Variants in PLD5 observed in about 807,000 individuals in gnomAD.
The protein encoded by PLD5 is inactive phospholipase D5.
PLD5 carries 36 observed loss-of-function variants against 61.1 expected under a neutral mutation model. The ratio of observed to expected loss-of-function variants is 0.59; its 90% CI spans 0.45 to 0.78. PLD5 has a LOEUF of 0.78. Among genes scored for constraint, PLD5 ranks in the 30% least tolerant of loss-of-function variants. The pLI is 0.00. For synonymous variants in PLD5, 243 were observed against 242.8 expected, an observed-to-expected ratio of 1.00 and a Z score of -0.01; for missense variants, 515 against 644.4, an observed-to-expected ratio of 0.80 and a Z score of 2.17.
At chr1:242,357,253 A>G (rs1277561746) in intron 1 of PLD5, among the ~76,000 whole-genome samples, 2 of 151,584 alleles carry the variant, frequency 1.3e-5, no homozygotes, top group South Asian at 4.2e-4. Context: ...TGAAAATACT[A>G]TCCCACTGGC....
At chr1:242,490,866 GT>G (rs34887885) in intron 1 of PLD5, among the ~76,000 whole-genome samples, 48,277 of 151,960 alleles carry the variant, frequency 0.32, 8,107 homozygotes, top group Admixed American at 0.43. Flanking sequence ...AGCGCCTTAG[GT>G]TTTGCATTCC....
intron 1 of PLD5, among the ~76,000 whole-genome samples, chr1:242,430,899 T>C (rs182244102): frequency 3.0e-4 from 45 of 152,286 alleles, no homozygotes; most frequent in African/African-American, 1.0e-3. Context: ...ACGCCTGTCC[T>C]GCAGCGCCTC....
rs148149044 is a variant in PLD5, at chr1:242,475,703, A to C, written c.189+48385T>G. Among the ~76,000 whole-genome samples the C allele has an allele frequency of 6.4e-3, 975 of 152,230 alleles. 5 individuals are homozygous for C. Among genetic ancestry groups the C allele is most frequent in the African/African-American group, 0.011 (439 of 41,542 alleles). ...GACATCCCAACCCCAGTATCTCAGA[A>C]TGCCACTGTGTTTATAGGTGAGGTC... On this transcript the variant is annotated intron_variant, in intron 1 of 9. Coordinates refer to ENST00000536534, the MANE Select transcript of PLD5 (RefSeq NM_001372062.1).
rs186028125 is a variant in PLD5, at chr1:242,106,264, G to C, written c.1239+1407C>G. 2.8e-3 allele frequency among the ~76,000 whole-genome samples: 419 copies of C among 152,278 alleles called. 5 individuals are homozygous for C. The highest frequency in any genetic ancestry group is 0.02 in the Middle Eastern group (6 of 294). ...GGGGAATTGTTACGGTTTTATTTTA[G>C]TTTTTACATTGACAAACTATGATGT... On this transcript the variant is annotated intron_variant, in intron 8 of 9. Coordinates refer to ENST00000536534, the MANE Select transcript of PLD5 (RefSeq NM_001372062.1).
At chr1:242,129,607 A>G (rs1220537097) in intron 5 of PLD5, among the ~76,000 whole-genome samples, 1 of 152,246 alleles carries the variant, frequency 6.6e-6, no homozygotes, top group Non-Finnish European at 1.5e-5. Flanking sequence ...TTAAAGGGAA[A>G]AGAAGCTGAA....
intron 1 of PLD5, among the ~76,000 whole-genome samples, chr1:242,418,744 T>A (rs565117084): frequency 6.6e-6 from 1 of 152,190 alleles, no homozygotes; most frequent in Non-Finnish European, 1.5e-5. Flanking sequence ...AGCATGATAC[T>A]CTTAAATGTC....
chr1:242,163,293 GC>G (rs987408556), intron 5 of PLD5, among the ~76,000 whole-genome samples: 16 of 151,784 alleles, frequency 1.1e-4, no homozygotes, highest in South Asian at 2.1e-4. Flanking sequence ...ACAGGCGCCC[GC>G]CACCACGCCC....
At chr1:242,165,452 G>GAAA (rs34435412) in intron 5 of PLD5, among the ~76,000 whole-genome samples, 1 of 115,630 alleles carries the variant, frequency 8.6e-6, no homozygotes, top group African/African-American at 3.1e-5. Flanking sequence ...GCTTTAAAGG[G>GAAA]AAAAAAAAAA....
intron 1 of PLD5, among the ~76,000 whole-genome samples, chr1:242,406,781 T>C (rs1049548643): frequency 1.3e-5 from 2 of 152,204 alleles, no homozygotes; most frequent in Non-Finnish European, 2.9e-5. Context: ...ACCATGAATA[T>C]TGAACTAGGA....
At chr1:242,367,925 T>G (rs1661432168) in intron 1 of PLD5, among the ~76,000 whole-genome samples, 1 of 152,142 alleles carries the variant, frequency 6.6e-6, no homozygotes, top group Non-Finnish European at 1.5e-5. Context: ...GAATATCAAA[T>G]GGATACAACT....
At chr1:242,146,365 G>A (rs1219231917) in intron 5 of PLD5, among the ~76,000 whole-genome samples, 2 of 152,040 alleles carry the variant, frequency 1.3e-5, no homozygotes, top group Non-Finnish European at 2.9e-5. Flanking sequence ...AGTAGCCTAT[G>A]CCTGAACATT....
At chr1:242,348,354 T>A (rs1301574275) in intron 1 of PLD5, 112 bp from the exon 2 acceptor site, 18 of 1,176,946 alleles carry the variant, frequency 1.5e-5, no homozygotes, top group Non-Finnish European at 2.0e-5. Context: ...GATACGATTA[T>A]CACTGCCTAG....
At chr1:242,138,355 G>C (rs1978790) in intron 5 of PLD5, among the ~76,000 whole-genome samples, 39 of 151,866 alleles carry the variant, frequency 2.6e-4, no homozygotes, top group Non-Finnish European at 7.4e-5. Context: ...ATAAAACAAA[G>C]CAGAATCTGA....
chr1:242,423,893 G>A lies in PLD5; in HGVS notation c.190-75651C>T, dbSNP rs187763233. On this transcript the variant is annotated intron_variant, in intron 1 of 9. Coordinates refer to ENST00000536534, the MANE Select transcript of PLD5 (RefSeq NM_001372062.1). ...GGCACTCTAACACACAGGGGCAATG[G>A]TTTATTTTCATACTGCCATCATTGT... is the stretch of plus-strand genomic sequence containing the variant. Among the ~76,000 whole-genome samples the A allele has an allele frequency of 9.0e-4, 137 of 152,250 alleles. 2 individuals carry two copies. The highest frequency in any genetic ancestry group is 2.4e-3 in the African/African-American group (100 of 41,564).
At position 242,231,995 on chromosome 1, in the gene PLD5, C is replaced by T. The variant is rs538510420; in HGVS notation, c.608-11880G>A. Among the ~76,000 whole-genome samples the T allele has an allele frequency of 2.4e-3, 351 of 148,382 alleles. 5 individuals carry two copies. Among genetic ancestry groups the T allele is most frequent in the Admixed American group, 0.023 (348 of 14,886 alleles). On this transcript the variant is annotated intron_variant, in intron 4 of 9. Transcript: ENST00000536534. ...AGATGACCAATGTAAGCAAAAATGA[C>T]GAGACAGCTTAACTAAGATATTCAA... is the stretch of plus-strand genomic sequence containing the variant.
At chr1:242,132,600 T>G (rs1663382760) in intron 5 of PLD5, among the ~76,000 whole-genome samples, 1 of 152,170 alleles carries the variant, frequency 6.6e-6, no homozygotes, top group African/African-American at 2.4e-5. Flanking sequence ...ATTTTGTTTC[T>G]GCCCTCAAGG....
At chr1:242,296,797 A>T (rs1194020029) in intron 2 of PLD5, among the ~76,000 whole-genome samples, 2 of 152,172 alleles carry the variant, frequency 1.3e-5, no homozygotes, top group Non-Finnish European at 2.9e-5. Flanking sequence ...AGCACACTGC[A>T]GCCTCAAATT....
At chr1:242,483,908 CT>C (rs1294602383) in intron 1 of PLD5, among the ~76,000 whole-genome samples, 2 of 151,784 alleles carry the variant, frequency 1.3e-5, no homozygotes, top group African/African-American at 4.9e-5. Context: ...AAGAAACTCA[CT>C]CAAAACCACT....
chr1:242,262,533 G>A (rs1330548352), intron 4 of PLD5, among the ~76,000 whole-genome samples: 1 of 152,180 alleles, frequency 6.6e-6, no homozygotes, highest in Non-Finnish European at 1.5e-5. Context: ...AGATCTCTTT[G>A]GTAGCTGTGT....
Sources: allele counts gnomAD v4.1 joint callset (sites outside exome capture counted in the v4.1 genomes callset), GRCh38; gene constraint gnomAD v4.1.1; transcripts MANE v1.5; gene names NCBI Gene and HGNC (gene_info 2026-07-23, HGNC 2026-07-21).